ADAM22: variants seen among roughly 807,000 people sequenced by gnomAD.
ADAM22 encodes ADAM metallopeptidase domain 22, also known as disintegrin and metalloproteinase domain-containing protein 22.
In ADAM22, 65 loss-of-function variants were observed where a neutral mutation model predicts 144.6. The ratio of observed to expected loss-of-function variants is 0.45; its 90% CI spans 0.37 to 0.55. The LOEUF is 0.55. ADAM22 is among the 20% of genes least tolerant of loss of function. The pLI is 0.00. For missense variants in ADAM22, 974 were observed against 1,184.9 expected (o/e 0.82, Z 2.61); for synonymous variants, 391 against 412.6 (o/e 0.95, Z 0.63).
At chr7:88,045,888 TTGTGTGTGTGTGTGTGTGTGTGTGTGTG>T (rs59898382) in intron 3 of ADAM22, among the ~76,000 whole-genome samples, 8 of 134,020 alleles carry the variant, frequency 6.0e-5, no homozygotes, top group African/African-American at 2.0e-4. Context: ...TCGTATTCTA[TTGTGTGTGTGTGTGTGTGTGTGTGTGTG>T]TGTGTGTGTG....
chr7:88,077,790 TG>T (rs1268154834), intron 4 of ADAM22, among the ~76,000 whole-genome samples: 4 of 152,110 alleles, frequency 2.6e-5, no homozygotes, highest in African/African-American at 9.7e-5. Flanking sequence ...GCAGCTAGGC[TG>T]GGGGAGGGGC....
chr7:88,146,998 T>G (rs1191887579), intron 17 of ADAM22, among the ~76,000 whole-genome samples: 2 of 152,232 alleles, frequency 1.3e-5, no homozygotes, highest in Non-Finnish European at 2.9e-5. Flanking sequence ...CCTGAATTAT[T>G]TATCTTAATC....
intron 2 of ADAM22, among the ~76,000 whole-genome samples, chr7:87,952,624 C>T (rs998557953): frequency 5.3e-5 from 8 of 152,036 alleles, no homozygotes; most frequent in Admixed American, 4.6e-4. Flanking sequence ...GTGTCTCTGC[C>T]TGGCTTTGGT....
intron 3 of ADAM22, among the ~76,000 whole-genome samples, chr7:88,008,929 A>G (rs1218964990): frequency 1.3e-5 from 2 of 151,890 alleles, no homozygotes; most frequent in African/African-American, 4.8e-5. Context: ...AAAAAAAGAA[A>G]AAAAAAGAAA....
chr7:88,100,661 C>A (rs1822664804), intron 4 of ADAM22, among the ~76,000 whole-genome samples: 1 of 152,024 alleles, frequency 6.6e-6, no homozygotes, highest in African/African-American at 2.4e-5. Flanking sequence ...AGGAGACTTA[C>A]TTTGTTATTT....
chr7:88,097,226 A>G (rs10262528), intron 4 of ADAM22, among the ~76,000 whole-genome samples: 14,080 of 143,744 alleles, frequency 0.098, 1,522 homozygotes, highest in African/African-American at 0.28. Flanking sequence ...ATCTCGGCTC[A>G]CTGCAACCTC....
At chr7:88,104,130 G>C (rs1823722578) in intron 4 of ADAM22, among the ~76,000 whole-genome samples, 1 of 152,060 alleles carries the variant, frequency 6.6e-6, no homozygotes, top group Non-Finnish European at 1.5e-5. Context: ...ATTAGTACAG[G>C]ACTGTTTAAA....
intron 3 of ADAM22, among the ~76,000 whole-genome samples, chr7:88,002,166 G>A (rs926320119): frequency 1.3e-5 from 2 of 152,196 alleles, no homozygotes; most frequent in Admixed American, 1.3e-4. Context: ...CGGAAATCCA[G>A]CGTAGTTCTG....
chr7:88,104,099 AAGG>A (rs1225715064), intron 4 of ADAM22, among the ~76,000 whole-genome samples: 1 of 152,118 alleles, frequency 6.6e-6, no homozygotes, highest in African/African-American at 2.4e-5. Flanking sequence ...GACAGCAAAA[AAGG>A]AGATTATCTA....
Position 88,182,001 on chromosome 7 carries a change from T to C in ADAM22, c.2640T>C (p.Phe880=), listed in dbSNP as rs1847156354. 6.2e-7 allele frequency: 1 copy of C among 1,613,682 alleles called. No homozygotes were observed. Among genetic ancestry groups the C allele is most frequent in the Non-Finnish European group, 8.5e-7 (1 of 1,179,776 alleles). The part of the protein sequence containing the change: ...GNKKKIRGKR[F]RPRSNSTEYL... ...AAAAGAAAATCAGAGGCAAAAGATT[T>C]AGACCTCGGTCTAATTCAACTGAGT... Residue 880 remains phenylalanine, a synonymous_variant, in exon 29 of 32, where the codon TTT becomes TTC. Transcript: ENST00000413139.
Position 88,181,942 on chromosome 7 carries a change from A to G in ADAM22, c.2597-16A>G, listed in dbSNP as rs757720437. 2 of 1,610,938 alleles carry G rather than the reference A, an allele frequency of 1.2e-6. No individual in the cohort carries two copies. The highest frequency in any genetic ancestry group is 1.7e-6 in the Non-Finnish European group (2 of 1,178,394). On this transcript the variant is annotated splice_polypyrimidine_tract_variant and intron_variant, in intron 28 of 31. Coordinates refer to ENST00000413139, the MANE Select transcript of ADAM22 (RefSeq NM_001324418.2). ...CTTATTTACATGGAAATCTAGCTCT[A>G]AACCGTCTTTTTCAGGTAACCTGGG...
chr7:88,144,361 G>C (rs1835706402), intron 15 of ADAM22, among the ~76,000 whole-genome samples: 1 of 152,056 alleles, frequency 6.6e-6, no homozygotes, highest in Non-Finnish European at 1.5e-5. Context: ...ATTCAAAAGA[G>C]AACAAAGTTG....
chr7:87,974,516 G>A (rs1851418701), intron 2 of ADAM22, among the ~76,000 whole-genome samples: 1 of 152,086 alleles, frequency 6.6e-6, no homozygotes, highest in South Asian at 2.1e-4. Context: ...TGATCCTTGA[G>A]GCCTCATGAG....
At chr7:88,109,597 G>A (rs969078154) in intron 5 of ADAM22, among the ~76,000 whole-genome samples, 1 of 152,020 alleles carries the variant, frequency 6.6e-6, no homozygotes, top group Non-Finnish European at 1.5e-5. Context: ...TCTCCTGTGT[G>A]CCAGCCCTAG....
intron 12 of ADAM22, among the ~76,000 whole-genome samples, chr7:88,133,717 G>C (rs1832352248): frequency 6.6e-6 from 1 of 152,024 alleles, no homozygotes; most frequent in Admixed American, 6.6e-5. Context: ...AAATAGAGTA[G>C]GTTTTCCAAA....
At chr7:88,088,951 T>G (rs1487150163) in intron 4 of ADAM22, among the ~76,000 whole-genome samples, 2 of 147,104 alleles carry the variant, frequency 1.4e-5, no homozygotes, top group Non-Finnish European at 3.0e-5. Context: ...ATTCCATTTC[T>G]TTTTTTTTTA....
chr7:88,138,399 C>T (rs143439766), intron 14 of ADAM22, among the ~76,000 whole-genome samples: 1 of 152,276 alleles, frequency 6.6e-6, no homozygotes, highest in East Asian at 1.9e-4. Flanking sequence ...CAGATACGTA[C>T]AGCTGTGTAC....
At chr7:87,986,288 ACTT>A (rs1011767077) in intron 3 of ADAM22, among the ~76,000 whole-genome samples, 6 of 152,184 alleles carry the variant, frequency 3.9e-5, no homozygotes, top group African/African-American at 1.2e-4. Context: ...GCTAGTTATA[ACTT>A]CTTCTCACAG....
chr7:88,170,730 A>C (rs1586455772), intron 25 of ADAM22, among the ~76,000 whole-genome samples: 1 of 152,136 alleles, frequency 6.6e-6, no homozygotes, highest in Middle Eastern at 3.4e-3. Context: ...TCTTAGAGGA[A>C]GCAGCCCAAA....
Sources: allele counts gnomAD v4.1 joint callset (sites outside exome capture counted in the v4.1 genomes callset), GRCh38; gene constraint gnomAD v4.1.1; transcripts MANE v1.5; gene names NCBI Gene and HGNC (gene_info 2026-07-23, HGNC 2026-07-21).